The following MOB1B variants were observed in gnomAD, a reference collection of about 807,000 sequenced individuals.
The protein encoded by MOB1B is MOB1 Mps One Binder homolog B.
Under a neutral mutation model 24.4 loss-of-function variants are expected in MOB1B, and 19 were observed. That is an observed-to-expected ratio of 0.78 (90% CI 0.54 to 1.14). The LOEUF is 1.14. MOB1B is among the 50% of genes most tolerant of loss of function. The pLI is 0.00. For synonymous variants in MOB1B, 76 were observed against 82.1 expected (o/e 0.93, Z 0.40); for missense variants, 243 against 259.6 (o/e 0.94, Z 0.44).
intron 1 of MOB1B, among the ~76,000 whole-genome samples, chr4:70,916,235 C>T (rs1175300315): frequency 1.3e-5 from 2 of 152,204 alleles, no homozygotes; most frequent in East Asian, 3.9e-4. Context: ...CTTAGTATCA[C>T]TCTCAGTTAC....
At chr4:70,913,524 C>T (rs1481042314) in intron 1 of MOB1B, among the ~76,000 whole-genome samples, 2 of 151,878 alleles carry the variant, frequency 1.3e-5, no homozygotes, top group South Asian at 2.1e-4. Context: ...ATCCTGGGCT[C>T]GAGCAATCCT....
chr4:70,911,299 TTATAA>T (rs1046095380), intron 1 of MOB1B, among the ~76,000 whole-genome samples: 27 of 152,078 alleles, frequency 1.8e-4, no homozygotes, highest in African/African-American at 6.5e-4. Context: ...TATTATATCC[TTATAA>T]TATATTCTCC....
chr4:70,932,817 G>A (rs1736933501), intron 1 of MOB1B, among the ~76,000 whole-genome samples: 1 of 152,138 alleles, frequency 6.6e-6, no homozygotes, highest in Non-Finnish European at 1.5e-5. Flanking sequence ...AACAATTTTG[G>A]TAATAGCACT....
chr4:70,947,285 T>C (rs1737625748), intron 1 of MOB1B, among the ~76,000 whole-genome samples: 1 of 152,170 alleles, frequency 6.6e-6, no homozygotes, highest in South Asian at 2.1e-4. Context: ...GTTTTTCTTT[T>C]TAGAATCAGG....
intron 1 of MOB1B, among the ~76,000 whole-genome samples, chr4:70,947,807 A>T (rs181300649): frequency 6.6e-6 from 1 of 151,900 alleles, no homozygotes; most frequent in African/African-American, 2.4e-5. Context: ...TAGGGTTTCA[A>T]CATATTGCCC....
At chr4:70,922,498 C>T (rs536180484) in intron 1 of MOB1B, among the ~76,000 whole-genome samples, 11 of 152,176 alleles carry the variant, frequency 7.2e-5, no homozygotes, top group East Asian at 3.9e-4. Flanking sequence ...GGGAGACAAA[C>T]GGTTACATTC....
chr4:70,971,689 G>A (rs1738761180), intron 3 of MOB1B, among the ~76,000 whole-genome samples: 1 of 152,002 alleles, frequency 6.6e-6, no homozygotes, highest in African/African-American at 2.4e-5. Flanking sequence ...GTTCACTTTG[G>A]TTAAGCTTCA....
chr4:70,945,647 A>T (rs1029799982), intron 1 of MOB1B, among the ~76,000 whole-genome samples: 2 of 152,198 alleles, frequency 1.3e-5, no homozygotes, highest in African/African-American at 4.8e-5. Flanking sequence ...CTGAAGCTCT[A>T]TTCTGACCTA....
At chr4:70,959,658 ATT>A (rs1006608084) in intron 2 of MOB1B, among the ~76,000 whole-genome samples, 1 of 152,068 alleles carries the variant, frequency 6.6e-6, no homozygotes, top group Non-Finnish European at 1.5e-5. Context: ...TACGTGGATG[ATT>A]TTATTTTATC....
chr4:70,944,983 C>T (rs1737519089), intron 1 of MOB1B, among the ~76,000 whole-genome samples: 1 of 152,104 alleles, frequency 6.6e-6, no homozygotes, highest in Non-Finnish European at 1.5e-5. Context: ...ATATGAATTG[C>T]AGTGTTTTTA....
intron 1 of MOB1B, among the ~76,000 whole-genome samples, chr4:70,928,104 A>G (rs1207924537): frequency 6.6e-6 from 1 of 151,800 alleles, no homozygotes; most frequent in Non-Finnish European, 1.5e-5. Context: ...GTTAGATACC[A>G]TTTCAGTGCC....
At chr4:70,973,043 C>G (rs1578401321) in intron 3 of MOB1B, among the ~76,000 whole-genome samples, 1 of 152,014 alleles carries the variant, frequency 6.6e-6, no homozygotes. Flanking sequence ...AAAGTGCTGG[C>G]ATTACAGGCG....
chr4:70,970,397 A>G (rs1738709460), intron 3 of MOB1B, among the ~76,000 whole-genome samples: 1 of 152,144 alleles, frequency 6.6e-6, no homozygotes, highest in Non-Finnish European at 1.5e-5. Flanking sequence ...TCTATTATCA[A>G]ATATTTCTCT....
chr4:70,986,308 TTTAA>T lies in MOB1B; in HGVS notation c.*4253_*4256del, dbSNP rs1341889402. On this transcript the variant is annotated 3_prime_UTR_variant, in exon 6 of 6. Coordinates refer to ENST00000309395, the MANE Select transcript of MOB1B (RefSeq NM_173468.4). ...TTTTCACTCAGATGAACAATTTGACTTTAATAAAAGACTGGAGATTTTTGTACAA... is the reference window on the plus strand; with the variant it reads ...TTTTCACTCAGATGAACAATTTGACTTAAAAGACTGGAGATTTTTGTACAA... 2.0e-5 allele frequency: 3 copies of T among 152,168 alleles called. No homozygotes were observed. Among genetic ancestry groups the T allele is most frequent in the Non-Finnish European group, 4.4e-5 (3 of 68,000 alleles). The allele number at this position is 152,168 out of a possible 1,614,324, so 9.4% of individuals were successfully genotyped here. A position where few individuals can be genotyped will look rare whatever the true frequency, so the allele number is the denominator to read the frequency against.
intron 1 of MOB1B, among the ~76,000 whole-genome samples, chr4:70,943,499 G>A (rs1737433979): frequency 1.3e-5 from 2 of 152,122 alleles, no homozygotes; most frequent in South Asian, 4.1e-4. Context: ...AATAGTGAAA[G>A]AGCTTTGATA....
chr4:70,980,018 AG>A (rs1353690409), intron 5 of MOB1B, among the ~76,000 whole-genome samples: 1 of 152,224 alleles, frequency 6.6e-6, no homozygotes, highest in Non-Finnish European at 1.5e-5. Flanking sequence ...GAGGTTGAGA[AG>A]GGGAGATGGT....
chr4:70,910,569 C>T (rs1054486171), intron 1 of MOB1B, among the ~76,000 whole-genome samples: 1 of 151,810 alleles, frequency 6.6e-6, no homozygotes, highest in Non-Finnish European at 1.5e-5. Context: ...CTGGGACTCT[C>T]TTCTAAGATT....
At chr4:70,926,778 T>C (rs58406098) in intron 1 of MOB1B, among the ~76,000 whole-genome samples, 9,342 of 151,268 alleles carry the variant, frequency 0.062, 592 homozygotes, top group East Asian at 0.15. Flanking sequence ...AGGTGGATCA[T>C]GAGGTCAGGA....
chr4:70,926,840 C>CA (rs1052239699), intron 1 of MOB1B, among the ~76,000 whole-genome samples: 2 of 151,406 alleles, frequency 1.3e-5, no homozygotes, highest in African/African-American at 4.9e-5. Flanking sequence ...ACTAAAAATA[C>CA]AAAAAAATTA....
Sources: gnomAD v4.1 joint callset for allele counts (sites outside exome capture counted in the v4.1 genomes callset) on GRCh38, gnomAD v4.1.1 for gene constraint, MANE v1.5 for transcripts, NCBI Gene and HGNC (gene_info 2026-07-23, HGNC 2026-07-21) for gene names.